Variants in AUTS2 observed in about 807,000 individuals in gnomAD.
AUTS2 encodes the protein autism susceptibility gene 2 protein.
Under a neutral mutation model 112.4 loss-of-function variants are expected in AUTS2, and 17 were observed. The observed-to-expected ratio is 0.15, with a 90% confidence interval of 0.10 to 0.23. The LOEUF is 0.23. Among genes scored for constraint, AUTS2 ranks in the 10% least tolerant of loss-of-function variants. The probability of loss-of-function intolerance (pLI) is 1.00; values close to 1 mark genes in which losing one functional copy is unlikely to be tolerated. For synonymous variants in AUTS2, 751 were observed against 702.7 expected, an observed-to-expected ratio of 1.07 and a Z score of -1.09; for missense variants, 1,510 against 1,701.6, an observed-to-expected ratio of 0.89 and a Z score of 1.98.
intron 5 of AUTS2, among the ~76,000 whole-genome samples, chr7:70,670,520 G>A (rs957204246): frequency 2.2e-4 from 33 of 152,196 alleles, no homozygotes; most frequent in Admixed American, 1.8e-3. Flanking sequence ...ACTTGGTTCC[G>A]GGTGACACAG....
chr7:69,613,199 T>C (rs1208106506), intron 1 of AUTS2, among the ~76,000 whole-genome samples: 8 of 152,212 alleles, frequency 5.3e-5, no homozygotes, highest in Non-Finnish European at 7.3e-5. Context: ...TTCATACAGA[T>C]GCATTTTGTG....
intron 4 of AUTS2, among the ~76,000 whole-genome samples, chr7:70,168,907 C>T (rs1050229444): frequency 6.6e-6 from 1 of 152,018 alleles, no homozygotes; most frequent in African/African-American, 2.4e-5. Flanking sequence ...GTCATCATTT[C>T]CTCTTTATTG....
intron 4 of AUTS2, among the ~76,000 whole-genome samples, chr7:70,401,384 C>G (rs1180383483): frequency 1.3e-5 from 2 of 152,150 alleles, no homozygotes; most frequent in African/African-American, 4.8e-5. Flanking sequence ...CTGTTGCAAG[C>G]CACTTGTTAG....
At chr7:70,294,440 T>G (rs552338597) in intron 4 of AUTS2, among the ~76,000 whole-genome samples, 4 of 152,252 alleles carry the variant, frequency 2.6e-5, no homozygotes, top group Non-Finnish European at 5.9e-5. Flanking sequence ...TTAATGGAGG[T>G]TTTAACTACT....
At chr7:69,915,862 G>A (rs900027472) in intron 2 of AUTS2, among the ~76,000 whole-genome samples, 3 of 152,124 alleles carry the variant, frequency 2.0e-5, no homozygotes, top group African/African-American at 7.2e-5. Flanking sequence ...GAGTAGCTGG[G>A]ACTACAGGCG....
chr7:69,750,267 T>G (rs1160195190), intron 1 of AUTS2, among the ~76,000 whole-genome samples: 1 of 151,910 alleles, frequency 6.6e-6, no homozygotes, highest in Non-Finnish European at 1.5e-5. Flanking sequence ...GATTTGAAGG[T>G]CTGACCCACA....
chr7:70,576,500 A>G (rs2129526435), intron 5 of AUTS2, among the ~76,000 whole-genome samples: 1 of 152,320 alleles, frequency 6.6e-6, no homozygotes, highest in African/African-American at 2.4e-5. Context: ...GGTTGGACTT[A>G]GAGCTTTTAG....
At chr7:70,772,206 T>C (rs1053447404) in intron 11 of AUTS2, among the ~76,000 whole-genome samples, 3 of 152,184 alleles carry the variant, frequency 2.0e-5, no homozygotes, top group African/African-American at 7.2e-5. Flanking sequence ...TCCCTCTCTC[T>C]CAGCCATCCC....
At chr7:70,638,380 T>A (rs1805632442) in intron 5 of AUTS2, among the ~76,000 whole-genome samples, 1 of 152,134 alleles carries the variant, frequency 6.6e-6, no homozygotes, top group African/African-American at 2.4e-5. Flanking sequence ...AGTTCAAAAG[T>A]GCGAGGATTG....
intron 6 of AUTS2, among the ~76,000 whole-genome samples, chr7:70,734,469 G>C (rs1787662601): frequency 6.6e-6 from 1 of 151,748 alleles, no homozygotes; most frequent in African/African-American, 2.4e-5. Context: ...AGAAAACCTT[G>C]ATAAATATTA....
chr7:69,737,063 G>A (rs936773748), intron 1 of AUTS2, among the ~76,000 whole-genome samples: 2 of 152,148 alleles, frequency 1.3e-5, no homozygotes, highest in African/African-American at 4.8e-5. Flanking sequence ...GAGAGCAGGA[G>A]TGCTCTAGGA....
intron 1 of AUTS2, among the ~76,000 whole-genome samples, chr7:69,731,205 T>C (rs1329857366): frequency 6.6e-6 from 1 of 152,114 alleles, no homozygotes; most frequent in Non-Finnish European, 1.5e-5. Context: ...GGTAGAAGGA[T>C]CGCTTGAGCC....
At chr7:70,254,929 C>A (rs558280987) in intron 4 of AUTS2, among the ~76,000 whole-genome samples, 4 of 151,958 alleles carry the variant, frequency 2.6e-5, no homozygotes, top group Non-Finnish European at 5.9e-5. Context: ...AGGTCTTGAC[C>A]CTTTCCCTTC....
intron 4 of AUTS2, among the ~76,000 whole-genome samples, chr7:70,331,582 G>C (rs1235134610): frequency 6.7e-6 from 1 of 150,136 alleles, no homozygotes; most frequent in African/African-American, 2.5e-5. Context: ...ATCTATACTG[G>C]CAAACCAAAT....
intron 1 of AUTS2, among the ~76,000 whole-genome samples, chr7:69,709,412 G>A (rs1472923195): frequency 6.6e-6 from 1 of 152,150 alleles, no homozygotes; most frequent in African/African-American, 2.4e-5. Flanking sequence ...AGCCTGAGCA[G>A]GAGGATGGAG....
At chr7:70,543,783 A>T (rs949823110) in intron 5 of AUTS2, among the ~76,000 whole-genome samples, 4 of 152,198 alleles carry the variant, frequency 2.6e-5, no homozygotes, top group African/African-American at 9.6e-5. Flanking sequence ...AAAGGTAAAA[A>T]GGCAGGAGTT....
At chr7:69,765,234 G>A (rs1021328575) in intron 1 of AUTS2, among the ~76,000 whole-genome samples, 1 of 152,140 alleles carries the variant, frequency 6.6e-6, no homozygotes, top group Non-Finnish European at 1.5e-5. Flanking sequence ...CTACTTAACT[G>A]TACTAAATTG....
At chr7:70,430,140 A>G (rs1795592152) in intron 4 of AUTS2, among the ~76,000 whole-genome samples, 1 of 152,188 alleles carries the variant, frequency 6.6e-6, no homozygotes, top group South Asian at 2.1e-4. Context: ...CAGAATCAAT[A>G]ACGTGGGGTG....
At chr7:70,267,660 G>A (rs774834348) in intron 4 of AUTS2, among the ~76,000 whole-genome samples, 12 of 152,156 alleles carry the variant, frequency 7.9e-5, no homozygotes, top group Non-Finnish European at 1.2e-4. Context: ...GCACTTTCAC[G>A]TTCAGATTCA....
Sources: allele counts gnomAD v4.1 joint callset (sites outside exome capture counted in the v4.1 genomes callset), GRCh38; gene constraint gnomAD v4.1.1; transcripts MANE v1.5; gene names NCBI Gene and HGNC (gene_info 2026-07-23, HGNC 2026-07-21).